PYGB: variants seen among roughly 807,000 people sequenced by gnomAD.
PYGB encodes the protein glycogen phosphorylase B.
PYGB carries 82 observed loss-of-function variants against 94.3 expected under a neutral mutation model. The observed-to-expected ratio is 0.87, with a 90% CI of 0.73 to 1.04. PYGB has a LOEUF of 1.04. Among genes scored for constraint, PYGB ranks in the 50% least tolerant of loss-of-function variants. The pLI, the probability that PYGB is intolerant of heterozygous loss-of-function variation, is 0.00. For missense variants in PYGB, 1,132 were observed against 1,158.2 expected, an observed-to-expected ratio of 0.98 and a Z score of 0.33; for synonymous variants, 488 against 479.1, an observed-to-expected ratio of 1.02 and a Z score of -0.24.
Position 25,295,529 on chromosome 20 carries a change from C to G in PYGB, c.2313-75C>G, listed in dbSNP as rs570431234. 5.3e-6 allele frequency: 8 copies of G among 1,516,448 alleles called. No individual in the cohort carries two copies. In the East Asian group the frequency reaches 1.6e-4, roughly 30 times the overall value. The allele number at this position is 1,516,448 out of a possible 1,614,324, so 93.9% of individuals were successfully genotyped here. A position where few individuals can be genotyped will look rare whatever the true frequency, so the allele number is the denominator to read the frequency against. The stretch of plus-strand genomic sequence containing the variant: ...GGTGGATGGTGCCTGGCCTCCTGCC[C>G]TGGGACTCTCCCCTCGGGACAGTGT... On this transcript the variant is annotated intron_variant, in intron 18 of 19. Transcript: ENST00000216962.
At chr20:25,261,202 G>A (rs1233119122) in intron 2 of PYGB, among the ~76,000 whole-genome samples, 1 of 152,246 alleles carries the variant, frequency 6.6e-6, no homozygotes, top group Admixed American at 6.5e-5. Flanking sequence ...TGACCCCCGA[G>A]TAGCCTACCT....
In PYGB at chr20:25,287,518, C is replaced by T. The variant is rs550764670; in HGVS notation, c.1769-907C>T. Among the ~76,000 whole-genome samples the T allele has an allele frequency of 1.4e-4, 21 of 152,138 alleles. No individual in the cohort carries two copies. The East Asian group carries it at 3.3e-3, about 24-fold the overall frequency. On this transcript the variant is annotated intron_variant, in intron 14 of 19. Transcript: ENST00000216962. ...AAATTAGCTGCATGTGGTAACCTGT[C>T]GGTGCCTGTAGTCGCATCTACTTGG... is the stretch of plus-strand genomic sequence containing the variant.
At chr20:25,251,292 C>T (rs755496010) in intron 1 of PYGB, 4 of 152,226 alleles carry the variant, frequency 2.6e-5, no homozygotes, top group East Asian at 3.8e-4. Context: ...CGTGATTCCA[C>T]GCTCCTTTTC....
At chr20:25,254,987 C>T (rs1030718721) in intron 1 of PYGB, among the ~76,000 whole-genome samples, 3 of 152,158 alleles carry the variant, frequency 2.0e-5, no homozygotes, top group East Asian at 1.9e-4. Flanking sequence ...GTGTTTGAGT[C>T]GTAGGTACTG....
chr20:25,295,846 A>T (rs934955792), intron 19 of PYGB, among the ~76,000 whole-genome samples, 176 bp downstream of exon 19: 1 of 152,194 alleles, frequency 6.6e-6, no homozygotes, highest in Non-Finnish European at 1.5e-5. Flanking sequence ...GTCACTGTCA[A>T]TGTCACTCCC....
Position 25,293,814 on chromosome 20 carries a change from C to T in PYGB, c.2178-344C>T, listed in dbSNP as rs138305117. The stretch of plus-strand genomic sequence containing the variant: ...TCCGGCCGTCTGTTTTTCAAAAGCT[C>T]TGCCCAGGATTTCACAGTGAGCCAA... On this transcript the variant is annotated intron_variant, in intron 17 of 19. Transcript: ENST00000216962. The T allele has an allele frequency of 5.6e-4, 184 of 328,996 alleles. 3 individuals are homozygous for T. The East Asian group carries it at 0.015, about 27-fold the overall frequency. 20.4% of individuals were successfully genotyped at this position (328,996 alleles called of 1,614,324 possible).
intron 18 of PYGB, chr20:25,294,864 G>T: frequency 7.7e-7 from 1 of 1,292,884 alleles, no homozygotes; most frequent in Non-Finnish European, 1.1e-6. Flanking sequence ...GGCAAAAGTT[G>T]AATCCGGCGA....
At chr20:25,264,221 C>A (rs1433798790) in intron 2 of PYGB, among the ~76,000 whole-genome samples, 1 of 152,192 alleles carries the variant, frequency 6.6e-6, no homozygotes, top group Non-Finnish European at 1.5e-5. Flanking sequence ...CAACAAAATT[C>A]AACAGCACTT....
At chr20:25,250,278 TGTA>T (rs1342601045) in intron 1 of PYGB, among the ~76,000 whole-genome samples, 14 of 152,216 alleles carry the variant, frequency 9.2e-5, no homozygotes, top group Admixed American at 1.3e-4. Context: ...GGAGTATTTA[TGTA>T]TAATCACATC....
At chr20:25,287,342 A>G (rs2088427183) in intron 14 of PYGB, among the ~76,000 whole-genome samples, 1 of 152,216 alleles carries the variant, frequency 6.6e-6, no homozygotes, top group Admixed American at 6.5e-5. Flanking sequence ...CATCCAAACA[A>G]TGTGTTTAAA....
At chr20:25,248,540 C>G (rs1600716802) in intron 1 of PYGB, 119 bp downstream of exon 1, 11 of 1,203,702 alleles carry the variant, frequency 9.1e-6, no homozygotes, top group African/African-American at 1.6e-5. Flanking sequence ...CCCTAGCCGG[C>G]CGGCGGCCAG....
At chr20:25,262,977 A>T (rs2092917045) in intron 2 of PYGB, among the ~76,000 whole-genome samples, 1 of 152,326 alleles carries the variant, frequency 6.6e-6, no homozygotes, top group East Asian at 1.9e-4. Context: ...AAGTCCTTAG[A>T]GACCTACAAA....
In PYGB at chr20:25,284,123, C is replaced by A. The variant is rs143142471; in HGVS notation, c.1640C>A (p.Ser547Ter). Residue 547 changes from serine (S) to a stop codon, truncating the protein, a stop_gained, in exon 14 of 20, where the codon TCG becomes TAG. Transcript: ENST00000216962. LOFTEE classifies it high-confidence loss of function. ...KVKQENKLKF[S>*]AFLEKEYKVK... is the part of the protein sequence containing the mutation. ...TCCCAGGAGAACAAGCTCAAGTTCT[C>A]GGCCTTCCTGGAGAAGGAGTACAAG... is the stretch of plus-strand genomic sequence containing the variant. The A allele has an allele frequency of 1.9e-6, 3 of 1,614,032 alleles. No homozygotes were observed. The highest frequency in any genetic ancestry group is 1.3e-5 in the African/African-American group (1 of 75,036).
At chr20:25,279,755 A>G (rs1360673690) in intron 9 of PYGB, among the ~76,000 whole-genome samples, 1 of 151,990 alleles carries the variant, frequency 6.6e-6, no homozygotes, top group Non-Finnish European at 1.5e-5. Context: ...GAAACCATAA[A>G]ACGATTTTTT....
chr20:25,284,306 G>T (rs1372915170), intron 14 of PYGB, 55 bp downstream of exon 14: 43 of 1,582,618 alleles, frequency 2.7e-5, no homozygotes, highest in Non-Finnish European at 3.6e-5. Context: ...GCTTGCCCTT[G>T]CCCGCCAGCT....
At position 25,296,563 on chromosome 20, in the gene PYGB, T is replaced by C. The variant is rs776621848; in HGVS notation, c.*41T>C. 1.3e-6 allele frequency: 2 copies of C among 1,578,666 alleles called. No homozygotes were observed. Among genetic ancestry groups the C allele is most frequent in the Admixed American group, 3.5e-5 (2 of 57,148 alleles). ...GCGGGACCAGCGGGCATTTGTTTTC[T>C]TGCTGACTTTGCACCTCCTTTTTTC... On this transcript the variant is annotated 3_prime_UTR_variant, in exon 20 of 20. Coordinates refer to ENST00000216962, the MANE Select transcript of PYGB (RefSeq NM_002862.4).
At chr20:25,266,853 G>A (rs1600726437) in intron 2 of PYGB, among the ~76,000 whole-genome samples, 1 of 152,320 alleles carries the variant, frequency 6.6e-6, no homozygotes, top group South Asian at 2.1e-4. Flanking sequence ...TAAACACAGA[G>A]AACAAGTGTT....
chr20:25,271,312 G>C lies in PYGB; in HGVS notation c.425-71G>C, dbSNP rs561689418. ...CCTCTGAATTTCTGCCTTGCGCCCT[G>C]TGGGCTGCCTCCGCATGGGACCTTG... is the stretch of plus-strand genomic sequence containing the variant. On this transcript the variant is annotated intron_variant, in intron 3 of 19. Transcript: ENST00000216962. The C allele has an allele frequency of 1.4e-4, 202 of 1,452,762 alleles. No individual in the cohort carries two copies. In the South Asian group the frequency reaches 2.2e-3, roughly 16 times the overall value. The allele number at this position is 1,452,762 out of a possible 1,614,324, so 90.0% of individuals were successfully genotyped here. A position where few individuals can be genotyped will look rare whatever the true frequency, so the allele number is the denominator to read the frequency against.
chr20:25,292,283 C>A (rs2088474756), intron 16 of PYGB, 123 bp from the exon 17 acceptor site: 1 of 958,678 alleles, frequency 1.0e-6, no homozygotes, highest in Non-Finnish European at 1.5e-6. Flanking sequence ...GGAGCGGGGC[C>A]ACAGCATTGG....
Sources: allele counts gnomAD v4.1 joint callset (sites outside exome capture counted in the v4.1 genomes callset), GRCh38; gene constraint gnomAD v4.1.1; transcripts MANE v1.5; gene names NCBI Gene and HGNC (gene_info 2026-07-23, HGNC 2026-07-21).